The following PABPC4L variants were observed in gnomAD, a reference collection of about 807,000 sequenced individuals.
PABPC4L encodes polyadenylate-binding protein 4-like.
For synonymous variants in PABPC4L, 169 were observed against 164.1 expected (o/e 1.03, Z -0.23); for missense variants, 452 against 451.4 (o/e 1.00, Z -0.01).
At chr4:134,016,351 G>A in the PABPC4L span, among the ~76,000 whole-genome samples, 5 of 152,014 alleles carry the variant, frequency 3.3e-5, no homozygotes, top group African/African-American at 7.2e-5. Flanking sequence ...ACTACGCAAG[G>A]GTCCTCTATC....
At chr4:134,057,891 G>A in the PABPC4L span, among the ~76,000 whole-genome samples, 191 of 151,898 alleles carry the variant, frequency 1.3e-3, 1 homozygote, top group African/African-American at 4.2e-3. Context: ...TATCTACTTC[G>A]TCTTTCTGGA....
the PABPC4L span, among the ~76,000 whole-genome samples, chr4:134,044,413 G>A: frequency 5.1e-4 from 78 of 152,004 alleles, no homozygotes; most frequent in African/African-American, 8.2e-4. Flanking sequence ...ACAGGCATCC[G>A]CCACCACGCC....
chr4:134,117,947 C>T, the PABPC4L span, among the ~76,000 whole-genome samples: 1 of 151,708 alleles, frequency 6.6e-6, no homozygotes, highest in South Asian at 2.1e-4. Context: ...ATAAAAGCAG[C>T]TTTGCTTTTA....
At chr4:134,034,846 GTATT>G in the PABPC4L span, among the ~76,000 whole-genome samples, 1 of 151,912 alleles carries the variant, frequency 6.6e-6, no homozygotes, top group Admixed American at 6.6e-5. Flanking sequence ...TGACAACAAA[GTATT>G]TAAATATTAT....
At chr4:134,051,847 A>G in the PABPC4L span, among the ~76,000 whole-genome samples, 1 of 152,150 alleles carries the variant, frequency 6.6e-6, no homozygotes, top group Non-Finnish European at 1.5e-5. Flanking sequence ...TGAACCTAGA[A>G]CAATGCTTAA....
At chr4:134,044,833 T>A in the PABPC4L span, among the ~76,000 whole-genome samples, 1 of 152,196 alleles carries the variant, frequency 6.6e-6, no homozygotes, top group South Asian at 2.1e-4. Context: ...ATTCTCTCCA[T>A]ACCTTATTAT....
chr4:133,952,111 C>T, the PABPC4L span, among the ~76,000 whole-genome samples: 8 of 152,082 alleles, frequency 5.3e-5, no homozygotes, highest in African/African-American at 1.4e-4. Context: ...TTCTTTCCCC[C>T]GAAATTAGAA....
chr4:134,066,203 A>T, the PABPC4L span, among the ~76,000 whole-genome samples: 82 of 152,078 alleles, frequency 5.4e-4, no homozygotes, highest in African/African-American at 1.9e-3. Context: ...AGTTTTGTTC[A>T]TGTCATCTAT....
the PABPC4L span, among the ~76,000 whole-genome samples, chr4:134,134,015 A>G: frequency 5.2e-3 from 798 of 152,144 alleles, 2 homozygotes; most frequent in South Asian, 0.012. Flanking sequence ...AAGAAAAAAA[A>G]CTATTTTGCC....
chr4:133,996,220 C>G, the PABPC4L span, among the ~76,000 whole-genome samples: 1 of 152,086 alleles, frequency 6.6e-6, no homozygotes, highest in East Asian at 1.9e-4. Context: ...TTTTTAGGCT[C>G]TTCTGTGTAG....
the PABPC4L span, among the ~76,000 whole-genome samples, chr4:134,070,317 G>A: frequency 6.6e-6 from 1 of 152,120 alleles, no homozygotes; most frequent in Non-Finnish European, 1.5e-5. Context: ...AGCAGCGGCA[G>A]TGTGGTGGGG....
the PABPC4L span, chr4:133,978,755 A>C: frequency 6.6e-6 from 1 of 152,064 alleles, no homozygotes; most frequent in African/African-American, 2.4e-5. Context: ...TCAAATCCCA[A>C]TATTCTCTTT....
At chr4:134,135,789 C>A in the PABPC4L span, among the ~76,000 whole-genome samples, 1 of 152,002 alleles carries the variant, frequency 6.6e-6, no homozygotes. Context: ...GCGGAGATAG[C>A]ACCATTGCAC....
the PABPC4L span, among the ~76,000 whole-genome samples, chr4:133,955,348 A>C: frequency 6.6e-6 from 1 of 152,258 alleles, no homozygotes; most frequent in South Asian, 2.1e-4. Context: ...TGCTAATATT[A>C]TGCTCATAAT....
At chr4:134,192,298 T>C (rs755340879), downstream of PABPC4L, among the ~76,000 whole-genome samples, 1 of 152,042 alleles carries the variant, frequency 6.6e-6, no homozygotes, top group African/African-American at 2.4e-5. Context: ...ACTTATACTA[T>C]ATATATGTAC....
At chr4:134,136,864 T>C in the PABPC4L span, among the ~76,000 whole-genome samples, 2 of 152,086 alleles carry the variant, frequency 1.3e-5, no homozygotes, top group African/African-American at 4.8e-5. Flanking sequence ...ATTCTTGTCA[T>C]CCTTCCCACT....
the PABPC4L span, among the ~76,000 whole-genome samples, chr4:134,003,218 C>T: frequency 6.6e-6 from 1 of 152,054 alleles, no homozygotes; most frequent in Admixed American, 6.6e-5. Context: ...ATATTTAGTT[C>T]ACGGAAAGGA....
the PABPC4L span, among the ~76,000 whole-genome samples, chr4:134,080,581 G>T: frequency 6.6e-6 from 1 of 152,152 alleles, no homozygotes; most frequent in Non-Finnish European, 1.5e-5. Context: ...GAAAGGTACA[G>T]TGCTAGTTAA....
chr4:134,135,925 A>G, the PABPC4L span, among the ~76,000 whole-genome samples: 1 of 152,162 alleles, frequency 6.6e-6, no homozygotes, highest in Admixed American at 6.6e-5. Context: ...GTACTGTGGT[A>G]TGGTTTTTAC....
Sources: allele counts gnomAD v4.1 joint callset (sites outside exome capture counted in the v4.1 genomes callset), GRCh38; gene constraint gnomAD v4.1.1; transcripts MANE v1.5; gene names NCBI Gene and HGNC (gene_info 2026-07-23, HGNC 2026-07-21).